The following PLA2G4F variants were observed in gnomAD, a reference collection of about 807,000 sequenced individuals.
PLA2G4F encodes the protein phospholipase A2 group IVF, also known as cytosolic phospholipase A2 zeta.
In PLA2G4F, 105 loss-of-function variants were observed where a neutral mutation model predicts 103.1. The observed-to-expected ratio is 1.02, with a 90% confidence interval of 0.87 to 1.20. PLA2G4F has a LOEUF of 1.20. Among genes scored for constraint, PLA2G4F ranks in the 50% most tolerant of loss-of-function variants. PLA2G4F has a pLI of 0.00. For missense variants in PLA2G4F, 1,155 were observed against 1,075.9 expected, an observed-to-expected ratio of 1.07 and a Z score of -1.03; for synonymous variants, 468 against 441.1, an observed-to-expected ratio of 1.06 and a Z score of -0.76.
intron 18 of PLA2G4F, 31 bp downstream of exon 18, chr15:42,143,947 G>C: frequency 6.4e-7 from 1 of 1,572,240 alleles, no homozygotes; most frequent in South Asian, 1.2e-5. Flanking sequence ...CTCACTGCAG[G>C]TGCTCCCCAC....
Position 42,156,597 on chromosome 15 carries a change from G to C in PLA2G4F, c.-48C>G. On this transcript the variant is annotated 5_prime_UTR_variant, in exon 1 of 20. Transcript: ENST00000397272. ...CAGGGAACCCTGCCTGCGCTCCTCTGGTTGCACAAACTGCTGGCTCAGGTG... is the reference window on the plus strand; with the variant it reads ...CAGGGAACCCTGCCTGCGCTCCTCTCGTTGCACAAACTGCTGGCTCAGGTG... The C allele has an allele frequency of 7.4e-7, 1 of 1,354,998 alleles. No individual in the cohort carries two copies. Among genetic ancestry groups the C allele is most frequent in the East Asian group, 2.6e-5 (1 of 38,184 alleles). 83.9% of individuals were successfully genotyped at this position (1,354,998 alleles called of 1,614,324 possible). A position where few individuals can be genotyped will look rare whatever the true frequency, so the allele number is the denominator to read the frequency against.
chr15:42,142,259 C>G, intron 19 of PLA2G4F, 55 bp from the exon 20 acceptor site: 2 of 1,502,600 alleles, frequency 1.3e-6, no homozygotes, highest in Non-Finnish European at 1.8e-6. Flanking sequence ...GTGGAACTGG[C>G]TGGAACAGCC....
chr15:42,147,151 G>A lies in PLA2G4F; in HGVS notation c.1392C>T (p.Leu464=), dbSNP rs144722412. 9 of 1,612,510 alleles carry A rather than the reference G, an allele frequency of 5.6e-6. No homozygotes were observed. Among genetic ancestry groups the A allele is most frequent in the African/African-American group, 2.7e-5 (2 of 74,858 alleles). ...HSVSLIDLWG[L]LVEYLLYQEE... ...CCTGGTACAGGAGATACTCAACAAG[G>A]AGGCCCCAGAGGTCGATGAGGGACA... The change falls in exon 13 of 20, where the codon CTC becomes CTT. Residue 464 remains leucine (L), a synonymous_variant. Transcript: ENST00000397272.
rs141908052 is a variant in PLA2G4F, at chr15:42,146,716, G to A, written c.1419+408C>T. The stretch of plus-strand genomic sequence containing the variant: ...AGCTGGGTCTGAAGTTCCAGGAGCA[G>A]CCAGGCGGAGTGAGTTATGGCGGAA... On this transcript the variant is annotated intron_variant, in intron 13 of 19. Transcript: ENST00000397272. 1,540 of 226,464 alleles carry A rather than the reference G, an allele frequency of 6.8e-3. 23 individuals carry two copies. Among genetic ancestry groups the A allele is most frequent in the African/African-American group, 0.033 (1,452 of 44,026 alleles). 14.0% of individuals were successfully genotyped at this position (226,464 alleles called of 1,614,324 possible).
At chr15:42,152,572 C>A in intron 7 of PLA2G4F, 116 bp downstream of exon 7, 1 of 1,078,194 alleles carries the variant, frequency 9.3e-7, no homozygotes, top group East Asian at 2.6e-5. Flanking sequence ...CATCGTTAGT[C>A]GGCTTTGAGC....
At chr15:42,154,025 CTT>C (rs753105523) in intron 4 of PLA2G4F, 65 bp downstream of exon 4, 132 of 1,604,852 alleles carry the variant, frequency 8.2e-5, no homozygotes, top group Non-Finnish European at 1.1e-4. Context: ...AGAGCCCCCT[CTT>C]TGGTGGCCCT....
chr15:42,146,516 G>T (rs2048886839), intron 13 of PLA2G4F, among the ~76,000 whole-genome samples: 1 of 152,238 alleles, frequency 6.6e-6, no homozygotes, highest in Admixed American at 6.5e-5. Context: ...GGGAGTCAGG[G>T]TGACATGGTT....
Position 42,154,329 on chromosome 15 carries a change from G to A in PLA2G4F, c.314C>T (p.Ala105Val). The change falls in exon 3 of 20, where the codon GCT (alanine) becomes GTT (valine). Residue 105 changes from alanine (A) to valine (V), a missense_variant. By Grantham distance (64) the Ala-to-Val change is moderately conservative (BLOSUM62 0). Coordinates refer to ENST00000397272, the MANE Select transcript of PLA2G4F (RefSeq NM_213600.4). Reference protein sequence around the residue: ...NETFHYQIHGAVKNVLELTLY... With the variant: ...NETFHYQIHGVVKNVLELTLY... ...CCCCTGGCTGGCCCTCACCTTCACA[G>A]CACCATGGATCTGGTAGTGGAAGGT... 1 of 1,609,108 alleles carries A rather than the reference G, an allele frequency of 6.2e-7. No individual in the cohort carries two copies. Among genetic ancestry groups the A allele is most frequent in the Non-Finnish European group, 8.5e-7 (1 of 1,176,564 alleles).
intron 19 of PLA2G4F, 91 bp from the exon 20 acceptor site, chr15:42,142,295 C>T: frequency 2.3e-6 from 3 of 1,318,974 alleles, no homozygotes; most frequent in African/African-American, 1.5e-5. Context: ...TGCAGGACAC[C>T]TGGCTGGCTC....
chr15:42,156,399 C>A, intron 1 of PLA2G4F, 40 bp downstream of exon 1: 3 of 1,514,852 alleles, frequency 2.0e-6, no homozygotes, highest in Non-Finnish European at 2.7e-6. Context: ...TCCCAGGACT[C>A]CCCCAGTCCG....
In PLA2G4F at chr15:42,143,176, T is replaced by TTAAAA. The variant is rs1434516088; in HGVS notation, c.2143-463_2143-462insTTTTA. ...CCTGGTGACAGAGTGAGACTCCATC[T>TTAAAA]AAAAAAAAAAAAAAAAAAAAAAAAA... On this transcript the variant is annotated intron_variant, in intron 18 of 19. Transcript: ENST00000397272. Among the ~76,000 whole-genome samples the TTAAAA allele has an allele frequency of 6.7e-5, 6 of 89,698 alleles. 1 individual carries two copies. The highest frequency in any genetic ancestry group is 2.5e-4 in the African/African-American group (5 of 20,340). The allele number at this position is 89,698 out of a possible 152,430, so 58.8% of individuals were successfully genotyped here.
chr15:42,148,198 A>AAAAG, intron 11 of PLA2G4F, among the ~76,000 whole-genome samples: 1 of 151,792 alleles, frequency 6.6e-6, no homozygotes, highest in Admixed American at 6.6e-5. Context: ...AAAAAAAAAA[A>AAAAG]AGAGAGAACC....
intron 13 of PLA2G4F, 93 bp from the exon 14 acceptor site, chr15:42,146,334 G>A (rs1219542969): frequency 6.6e-6 from 8 of 1,205,660 alleles, no homozygotes; most frequent in Admixed American, 5.6e-5. Context: ...GGCGTGGTGT[G>A]CCCACAAGAG....
At chr15:42,143,594 G>A (rs939596451) in intron 18 of PLA2G4F, among the ~76,000 whole-genome samples, 1 of 152,166 alleles carries the variant, frequency 6.6e-6, no homozygotes, top group Non-Finnish European at 1.5e-5. Flanking sequence ...GACCCTCATG[G>A]CTCTGTTGTT....
intron 6 of PLA2G4F, 74 bp from the exon 7 acceptor site, chr15:42,152,828 TAGG>T (rs1201443284): frequency 6.4e-6 from 9 of 1,409,400 alleles, no homozygotes; most frequent in Non-Finnish European, 8.7e-6. Flanking sequence ...GAGGAGTGCC[TAGG>T]GCAGGGTCTG....
rs528658541 is a variant in PLA2G4F, at chr15:42,144,732, A to C, written c.1781-88T>G. Reference sequence around the variant, plus strand: ...TTATAGTTCAGGGGTGCCCCTCCCCAACAGTGAGCCCTCCCCACATCCCTC... The same window carrying C: ...TTATAGTTCAGGGGTGCCCCTCCCCCACAGTGAGCCCTCCCCACATCCCTC... On this transcript the variant is annotated intron_variant, in intron 16 of 19. Coordinates refer to ENST00000397272, the MANE Select transcript of PLA2G4F (RefSeq NM_213600.4). The C allele has an allele frequency of 2.4e-4, 309 of 1,304,920 alleles. 1 individual carries two copies. The highest frequency in any genetic ancestry group is 3.0e-4 in the Non-Finnish European group (297 of 984,088). 80.8% of individuals were successfully genotyped at this position (1,304,920 alleles called of 1,614,324 possible).
intron 7 of PLA2G4F, 31 bp from the exon 8 acceptor site, chr15:42,150,808 G>C (rs867505881): frequency 1.3e-6 from 2 of 1,591,200 alleles, no homozygotes; most frequent in African/African-American, 2.7e-5. Context: ...TGGGTGCGCA[G>C]GTGAGGGGGT....
intron 12 of PLA2G4F, 53 bp from the exon 13 acceptor site, chr15:42,147,399 G>C (rs1463095071): frequency 6.5e-7 from 1 of 1,537,024 alleles, no homozygotes. Context: ...AGCCACGGGA[G>C]AGAGGGGTGC....
intron 11 of PLA2G4F, chr15:42,149,396 C>A: frequency 3.9e-6 from 3 of 771,380 alleles, no homozygotes; most frequent in Non-Finnish European, 4.7e-6. Flanking sequence ...GGAGAGGGAA[C>A]CCAGCAGAAA....
Sources: allele counts gnomAD v4.1 joint callset (sites outside exome capture counted in the v4.1 genomes callset), GRCh38; gene constraint gnomAD v4.1.1; transcripts MANE v1.5; gene names NCBI Gene and HGNC (gene_info 2026-07-23, HGNC 2026-07-21).